The following CAMTA1 variants were observed in gnomAD, a reference collection of about 807,000 sequenced individuals.
CAMTA1 encodes the protein calmodulin binding transcription activator 1.
In CAMTA1, 27 loss-of-function variants were observed where a neutral mutation model predicts 170.9. That is an observed-to-expected ratio of 0.16 (90% CI 0.12 to 0.22). CAMTA1 has a LOEUF of 0.22. Among genes scored for constraint, CAMTA1 ranks in the 10% least tolerant of loss-of-function variants. The probability of loss-of-function intolerance (pLI) is 1.00; values close to 1 mark genes in which losing one functional copy is unlikely to be tolerated. For synonymous variants in CAMTA1, 833 were observed against 891.5 expected, an observed-to-expected ratio of 0.93 and a Z score of 1.17; for missense variants, 1,619 against 2,217.2, an observed-to-expected ratio of 0.73 and a Z score of 5.42.
At chr1:6,893,850 A>T (rs1411581278) in intron 3 of CAMTA1, among the ~76,000 whole-genome samples, 1 of 152,338 alleles carries the variant, frequency 6.6e-6, no homozygotes, top group South Asian at 2.1e-4. Flanking sequence ...TGGTTGTATA[A>T]TTAACATAAA....
At chr1:7,365,926 G>A (rs995442063) in intron 5 of CAMTA1, among the ~76,000 whole-genome samples, 1 of 152,200 alleles carries the variant, frequency 6.6e-6, no homozygotes, top group African/African-American at 2.4e-5. Context: ...AGGGTCATCA[G>A]CTTCCTGCGT....
At chr1:7,593,090 C>A (rs1376170712) in intron 6 of CAMTA1, among the ~76,000 whole-genome samples, 1 of 152,184 alleles carries the variant, frequency 6.6e-6, no homozygotes. Flanking sequence ...TCATGCCACT[C>A]CACTCTGGGG....
chr1:7,045,264 T>A (rs1705183376), intron 3 of CAMTA1, among the ~76,000 whole-genome samples: 1 of 152,192 alleles, frequency 6.6e-6, no homozygotes, highest in South Asian at 2.1e-4. Flanking sequence ...AGCTTGCTCC[T>A]TATCCACTGT....
At chr1:7,336,234 TA>T (rs1404432010) in intron 5 of CAMTA1, among the ~76,000 whole-genome samples, 1 of 152,208 alleles carries the variant, frequency 6.6e-6, no homozygotes, top group Non-Finnish European at 1.5e-5. Flanking sequence ...CCAGGAGCTC[TA>T]CTGGCTGTGG....
At position 7,397,161 on chromosome 1, in the gene CAMTA1, C is replaced by T. The variant is rs544148579; in HGVS notation, c.439-70669C>T. On this transcript the variant is annotated intron_variant, in intron 5 of 22. Coordinates refer to ENST00000303635, the MANE Select transcript of CAMTA1 (RefSeq NM_015215.4). ...ATAGGAGATTTTATTATTAATTTAA[C>T]TCATTACTCATTATTCATTTGTTCC... Among the ~76,000 whole-genome samples, 214 of 152,218 alleles carry T rather than the reference C, an allele frequency of 1.4e-3. 1 individual carries two copies. The highest frequency in any genetic ancestry group is 2.2e-3 in the Admixed American group (33 of 15,292).
rs1300621040 is a variant in CAMTA1 at position 7,763,162 on chromosome 1, T to A, written c.4990-3297T>A. Among the ~76,000 whole-genome samples, 4 of 152,342 alleles carry A rather than the reference T, an allele frequency of 2.6e-5. No individual in the cohort carries two copies. The East Asian group carries it at 7.7e-4, about 29-fold the overall frequency. On this transcript the variant is annotated intron_variant, in intron 22 of 22. Transcript: ENST00000303635. ...TTCTGCATTTACAAATTGGAGCTAA[T>A]GGCAGTGTTGTGAGGACTACATAAA...
chr1:7,071,086 T>C (rs930958889), intron 3 of CAMTA1, among the ~76,000 whole-genome samples: 2 of 152,174 alleles, frequency 1.3e-5, no homozygotes, highest in Non-Finnish European at 2.9e-5. Flanking sequence ...ATGGCTTGCT[T>C]AGGAGTATGG....
At chr1:7,460,771 G>A (rs776665180) in intron 5 of CAMTA1, among the ~76,000 whole-genome samples, 5 of 152,014 alleles carry the variant, frequency 3.3e-5, no homozygotes, top group Non-Finnish European at 5.9e-5. Context: ...CATCTTTGTC[G>A]TGGGTACATC....
intron 3 of CAMTA1, among the ~76,000 whole-genome samples, chr1:6,869,997 G>A (rs74051021): frequency 6.6e-6 from 1 of 152,178 alleles, no homozygotes; most frequent in Admixed American, 6.5e-5. Context: ...GTCAAGAAGA[G>A]ATTGTTATTT....
At position 7,763,416 on chromosome 1, in the gene CAMTA1, A is replaced by G. The variant is rs145283754; in HGVS notation, c.4990-3043A>G. Among the ~76,000 whole-genome samples, 15 of 152,362 alleles carry G rather than the reference A, an allele frequency of 9.8e-5. No individual in the cohort carries two copies. The East Asian group carries it at 2.3e-3, about 23-fold the overall frequency. On this transcript the variant is annotated intron_variant, in intron 22 of 22. Coordinates refer to ENST00000303635, the MANE Select transcript of CAMTA1 (RefSeq NM_015215.4). ...CAGGAGTTGTGGAAGCCTGGAAAAT[A>G]TATCTGAAAATTGCATTGTTCTCAT...
chr1:7,765,061 G>C (rs2097008777), intron 22 of CAMTA1, among the ~76,000 whole-genome samples: 1 of 152,152 alleles, frequency 6.6e-6, no homozygotes, highest in Admixed American at 6.5e-5. Flanking sequence ...CCTCTGTATA[G>C]CACCACGACA....
chr1:7,465,750 A>G lies in CAMTA1; in HGVS notation c.439-2080A>G, dbSNP rs11803932. On this transcript the variant is annotated intron_variant, in intron 5 of 22. Transcript: ENST00000303635. ...CTTCTTTTGTAGGTTCACAGAGGAAACACAGTTGGTGTTTGGGAAATTCTC... is the reference window on the plus strand; with the variant it reads ...CTTCTTTTGTAGGTTCACAGAGGAAGCACAGTTGGTGTTTGGGAAATTCTC... Among the ~76,000 whole-genome samples, 770 of 152,330 alleles carry G rather than the reference A, an allele frequency of 5.1e-3. 5 individuals are homozygous for G. The highest frequency in any genetic ancestry group is 0.018 in the African/African-American group (744 of 41,568).
At chr1:7,433,613 A>G (rs1364470589) in intron 5 of CAMTA1, among the ~76,000 whole-genome samples, 1 of 152,266 alleles carries the variant, frequency 6.6e-6, no homozygotes, top group Non-Finnish European at 1.5e-5. Flanking sequence ...AGGAACCCCC[A>G]GAGAACACTG....
In CAMTA1 at chr1:7,327,406, C is replaced by CAA. The variant is rs34737058; in HGVS notation, c.438+77798_438+77799dup. ...TGGGCAACAGAGTGAGACTCCATCT[C>CAA]AAAAAAAAAAAAAAAAAAAGAAAAA... On this transcript the variant is annotated intron_variant, in intron 5 of 22. Transcript: ENST00000303635. Among the ~76,000 whole-genome samples, 210 of 87,784 alleles carry CAA rather than the reference C, an allele frequency of 2.4e-3. 3 individuals are homozygous for CAA. Among genetic ancestry groups the CAA allele is most frequent in the Non-Finnish European group, 2.4e-3 (107 of 44,740 alleles). 57.6% of individuals were successfully genotyped at this position (87,784 alleles called of 152,430 possible).
intron 5 of CAMTA1, among the ~76,000 whole-genome samples, chr1:7,312,090 A>G (rs772275430): frequency 3.9e-5 from 6 of 152,158 alleles, no homozygotes; most frequent in Non-Finnish European, 5.9e-5. Context: ...TCAGTTGTAC[A>G]GATGCCATGA....
intron 3 of CAMTA1, among the ~76,000 whole-genome samples, chr1:7,052,505 T>C (rs995841363): frequency 6.6e-6 from 1 of 152,082 alleles, no homozygotes; most frequent in Non-Finnish European, 1.5e-5. Context: ...GGACCCTCGG[T>C]GTCTTTGTGC....
chr1:6,848,331 T>A (rs1046481006), intron 3 of CAMTA1, among the ~76,000 whole-genome samples: 2 of 152,158 alleles, frequency 1.3e-5, no homozygotes, highest in African/African-American at 4.8e-5. Flanking sequence ...TTATTTTTAT[T>A]TTGTAAAGAC....
chr1:6,958,217 C>A (rs959128820), intron 3 of CAMTA1, among the ~76,000 whole-genome samples: 4 of 152,152 alleles, frequency 2.6e-5, no homozygotes, highest in Non-Finnish European at 5.9e-5. Flanking sequence ...AGGTGCAAAT[C>A]GGGAAGCCTG....
rs574117333 is a variant in CAMTA1 at position 7,242,648 on chromosome 1, G to A, written c.303-6843G>A. On this transcript the variant is annotated intron_variant, in intron 4 of 22. Coordinates refer to ENST00000303635, the MANE Select transcript of CAMTA1 (RefSeq NM_015215.4). ...ACTTATGAAAAACTTGACCCCTTCA[G>A]CCAGGCGTGGTGGCTCACGCCTGTA... Among the ~76,000 whole-genome samples, 5 of 152,180 alleles carry A rather than the reference G, an allele frequency of 3.3e-5. No individual in the cohort carries two copies. In the East Asian group the frequency reaches 7.7e-4, roughly 23 times the overall value.
Sources: gnomAD v4.1 joint callset for allele counts (sites outside exome capture counted in the v4.1 genomes callset) on GRCh38, gnomAD v4.1.1 for gene constraint, MANE v1.5 for transcripts, NCBI Gene and HGNC (gene_info 2026-07-23, HGNC 2026-07-21) for gene names.